The following ZFP64 variants were observed in gnomAD, a reference collection of about 807,000 sequenced individuals.
ZFP64 encodes the protein zinc finger protein 64.
ZFP64 carries 14 observed loss-of-function variants against 51.6 expected under a neutral mutation model. That is an observed-to-expected ratio of 0.27 (90% CI 0.18 to 0.42). The LOEUF is 0.42. Among genes scored for constraint, ZFP64 ranks in the 10% least tolerant of loss-of-function variants. The pLI, the probability that ZFP64 is intolerant of heterozygous loss-of-function variation, is 1.00. For missense variants in ZFP64, 754 were observed against 906.8 expected, an observed-to-expected ratio of 0.83 and a Z score of 2.16; for synonymous variants, 375 against 361.4, an observed-to-expected ratio of 1.04 and a Z score of -0.43.
In ZFP64 at chr20:52,191,081, GC is replaced by G. The variant is rs1984334554; in HGVS notation, c.46+509del. Reference sequence around the variant, plus strand: ...CCCAAACCCAAATAAAGCGACCACGGCCCCGTTTTCCATTCAGATCTCCACC... The same window carrying G: ...CCCAAACCCAAATAAAGCGACCACGGCCCGTTTTCCATTCAGATCTCCACC... On this transcript the variant is annotated intron_variant, in intron 1 of 5. Coordinates refer to ENST00000216923, the MANE Select transcript of ZFP64 (RefSeq NM_018197.3). The surrounding 1 kb of genome is among the most constrained non-coding windows in gnomAD (Gnocchi z 4.3). 6.6e-6 allele frequency among the ~76,000 whole-genome samples: 1 copy of G among 152,032 alleles called. No individual in the cohort carries two copies. The highest frequency in any genetic ancestry group is 2.4e-5 in the African/African-American group (1 of 41,386).
chr20:52,109,535 T>C (rs1214897404), intron 5 of ZFP64, among the ~76,000 whole-genome samples: 2 of 151,984 alleles, frequency 1.3e-5, no homozygotes, highest in African/African-American at 4.8e-5. Context: ...ACCCCAGAAT[T>C]TGGGAGGCCA....
chr20:52,161,353 A>C (rs1399885289), intron 4 of ZFP64, among the ~76,000 whole-genome samples: 6 of 152,118 alleles, frequency 3.9e-5, no homozygotes, highest in Non-Finnish European at 5.9e-5. Context: ...CATCAATTTA[A>C]ATACTTCCTT....
At chr20:52,105,186 G>T in intron 5 of ZFP64, 1 of 1,434,988 alleles carries the variant, frequency 7.0e-7, no homozygotes, top group African/African-American at 1.5e-5. Flanking sequence ...CGCGCAGGCC[G>T]CGGCTCCTCG....
chr20:52,116,188 T>G (rs1978860927), intron 5 of ZFP64, among the ~76,000 whole-genome samples: 1 of 150,936 alleles, frequency 6.6e-6, no homozygotes, highest in Non-Finnish European at 1.5e-5. Flanking sequence ...CAGGCTGGAG[T>G]GCAGTGGTGG....
At chr20:52,136,563 A>T (rs975809387) in intron 5 of ZFP64, among the ~76,000 whole-genome samples, 1 of 152,234 alleles carries the variant, frequency 6.6e-6, no homozygotes, top group Non-Finnish European at 1.5e-5. Flanking sequence ...AATTTGACAC[A>T]TAACTGAAAA....
At chr20:52,110,965 A>G (rs1978531635) in intron 5 of ZFP64, 1 of 1,528,664 alleles carries the variant, frequency 6.5e-7, no homozygotes, top group African/African-American at 1.4e-5. Flanking sequence ...CTTCACCAAG[A>G]CGAACCTGCT....
chr20:52,085,231 T>C lies in ZFP64; in HGVS notation c.1264A>G (p.Lys422Glu). The C allele has an allele frequency of 6.2e-7, 1 of 1,614,058 alleles. No individual in the cohort carries two copies. Among genetic ancestry groups the C allele is most frequent in the Non-Finnish European group, 8.5e-7 (1 of 1,179,962 alleles). ...TTCAAGTCCGAGCTGATTTTGAACT[T>C]GGCGCTACAGAGCCAGCACTGGAAG... is the stretch of plus-strand genomic sequence containing the variant. Residue 422 changes from lysine to glutamate, a missense_variant, in exon 9 of 9, where the codon AAG (lysine) becomes GAG (glutamate). By Grantham distance (56) the Lys-to-Glu change is moderately conservative. Coordinates refer to the ZFP64 transcript ENST00000361387. This position sits in a 1 kb window ranked among gnomAD's most constrained non-coding sequence, Gnocchi z 4.3.
At chr20:52,157,114 A>G (rs1981382436) in intron 5 of ZFP64, among the ~76,000 whole-genome samples, 1 of 152,200 alleles carries the variant, frequency 6.6e-6, no homozygotes, top group South Asian at 2.1e-4. Flanking sequence ...TGAAGACCAA[A>G]TGTGAAATAA....
At chr20:52,108,639 G>T (rs1978382574) in intron 5 of ZFP64, among the ~76,000 whole-genome samples, 1 of 151,746 alleles carries the variant, frequency 6.6e-6, no homozygotes, top group South Asian at 2.1e-4. Flanking sequence ...TTCCTGAGTA[G>T]CTGGGATTAC....
At chr20:52,116,449 T>TC (rs1206463829) in intron 5 of ZFP64, among the ~76,000 whole-genome samples, 1 of 150,158 alleles carries the variant, frequency 6.7e-6, no homozygotes, top group African/African-American at 2.4e-5. Flanking sequence ...TTTCTTTCTT[T>TC]TTTTTTTTTT....
intron 1 of ZFP64, among the ~76,000 whole-genome samples, chr20:52,187,819 A>T (rs1204233504): frequency 6.6e-6 from 1 of 152,128 alleles, no homozygotes; most frequent in East Asian, 1.9e-4. Flanking sequence ...TTCTTTTATC[A>T]AAGATAAAAG....
intron 5 of ZFP64, among the ~76,000 whole-genome samples, chr20:52,128,306 G>A (rs752157983): frequency 4.6e-5 from 7 of 152,120 alleles, no homozygotes; most frequent in Non-Finnish European, 1.0e-4. Flanking sequence ...GTTCCCATCA[G>A]GTCCACTGAT....
At chr20:52,105,924 A>G (rs1978311615) in intron 5 of ZFP64, among the ~76,000 whole-genome samples, 1 of 152,162 alleles carries the variant, frequency 6.6e-6, no homozygotes, top group Non-Finnish European at 1.5e-5. Context: ...CAAGCTGAGA[A>G]GCACGACCTC....
chr20:52,123,538 C>G (rs1568665397), intron 5 of ZFP64, among the ~76,000 whole-genome samples: 2 of 152,074 alleles, frequency 1.3e-5, no homozygotes, highest in Non-Finnish European at 2.9e-5. Flanking sequence ...GGATTATGAC[C>G]CACTGAAGGC....
chr20:52,105,356 C>A, intron 5 of ZFP64: 1 of 1,243,502 alleles, frequency 8.0e-7, no homozygotes, highest in Non-Finnish European at 1.0e-6. Flanking sequence ...CAATTCTGCT[C>A]ATCAGCCGAG....
intron 5 of ZFP64, among the ~76,000 whole-genome samples, chr20:52,121,433 T>C (rs1600726570): frequency 6.6e-6 from 1 of 152,226 alleles, no homozygotes; most frequent in African/African-American, 2.4e-5. Context: ...GTGAAACTTT[T>C]AGTCATCTGG....
intron 1 of ZFP64, among the ~76,000 whole-genome samples, chr20:52,187,357 C>T (rs1386691132): frequency 6.6e-6 from 1 of 152,122 alleles, no homozygotes; most frequent in Non-Finnish European, 1.5e-5. Context: ...CGCGGTGGCT[C>T]ATGCCTGTAA....
intron 2 of ZFP64, among the ~76,000 whole-genome samples, chr20:52,178,820 T>C (rs546786966): frequency 3.3e-5 from 5 of 152,260 alleles, no homozygotes; most frequent in Admixed American, 3.3e-4. Context: ...GAACCAACAG[T>C]CTCTGTGAAT....
chr20:52,084,583 G>A, exon 9 of ZFP64: 1 of 1,613,636 alleles, frequency 6.2e-7, no homozygotes, highest in Non-Finnish European at 8.5e-7. Context: ...GGCTCTAGGG[G>A]AGCCTCGAGC....
Sources: gnomAD v4.1 joint callset for allele counts (sites outside exome capture counted in the v4.1 genomes callset) on GRCh38, gnomAD v4.1.1 for gene constraint, Gnocchi (gnomAD v3.1) non-coding constraint, MANE v1.5 for transcripts, NCBI Gene and HGNC (gene_info 2026-07-23, HGNC 2026-07-21) for gene names.